BMP7: variants seen among roughly 807,000 people sequenced by gnomAD.
BMP7 encodes bone morphogenetic protein 7.
A neutral mutation model predicts 41.2 loss-of-function variants in BMP7; 12 were observed. The ratio of observed to expected loss-of-function variants is 0.29; its 90% confidence interval spans 0.19 to 0.47. The LOEUF (loss-of-function observed/expected upper bound fraction) is 0.47, where lower values mean the gene tolerates loss of function less well. Among genes scored for constraint, BMP7 ranks in the 20% least tolerant of loss-of-function variants. The probability of loss-of-function intolerance (pLI) is 0.99; values close to 1 mark genes in which losing one functional copy is unlikely to be tolerated. For missense variants in BMP7, 467 were observed against 606.0 expected, an observed-to-expected ratio of 0.77 and a Z score of 2.41; for synonymous variants, 248 against 250.0, an observed-to-expected ratio of 0.99 and a Z score of 0.07.
At chr20:57,193,757 A>G (rs901715562) in intron 3 of BMP7, among the ~76,000 whole-genome samples, 4 of 152,210 alleles carry the variant, frequency 2.6e-5, no homozygotes, top group Non-Finnish European at 4.4e-5. Flanking sequence ...TTACCTTGGC[A>G]TTTTCTGATG....
intron 3 of BMP7, among the ~76,000 whole-genome samples, chr20:57,191,744 T>TAA (rs34934536): frequency 1.4e-5 from 2 of 142,736 alleles, no homozygotes; most frequent in African/African-American, 2.6e-5. Context: ...CATATATATA[T>TAA]AATATATACT....
intron 4 of BMP7, among the ~76,000 whole-genome samples, chr20:57,177,545 A>G (rs907620158): frequency 6.6e-6 from 1 of 152,128 alleles, no homozygotes; most frequent in African/African-American, 2.4e-5. Context: ...ACGGGGTTTC[A>G]CCATGTTGGC....
At chr20:57,196,581 C>T (rs943961535) in intron 3 of BMP7, among the ~76,000 whole-genome samples, 3 of 152,222 alleles carry the variant, frequency 2.0e-5, no homozygotes, top group African/African-American at 7.2e-5. Context: ...GTTCTAACAA[C>T]CAGATGCGGG....
intron 1 of BMP7, among the ~76,000 whole-genome samples, chr20:57,244,590 C>T (rs1223697793): frequency 4.6e-5 from 7 of 152,220 alleles, no homozygotes; most frequent in East Asian, 1.9e-4. Flanking sequence ...ACAAGTTAAC[C>T]CACCTCTGGA....
Position 57,170,641 on chromosome 20 carries a change from C to A in BMP7, c.*318G>T. On this transcript the variant is annotated 3_prime_UTR_variant, in exon 7 of 7. Coordinates refer to ENST00000395863, the MANE Select transcript of BMP7 (RefSeq NM_001719.3). Reference sequence around the variant, plus strand: ...CTGGCTGGTAGGCGCTCATAATTACCTCTGGAAACGAGTCCGTGCATGGCT... The same window carrying A: ...CTGGCTGGTAGGCGCTCATAATTACATCTGGAAACGAGTCCGTGCATGGCT... 2.7e-6 allele frequency: 1 copy of A among 368,874 alleles called. No homozygotes were observed. Among genetic ancestry groups the A allele is most frequent in the Non-Finnish European group, 5.2e-6 (1 of 191,146 alleles). The allele number at this position is 368,874 out of a possible 1,614,324, so 22.9% of individuals were successfully genotyped here.
chr20:57,212,461 G>C (rs1469952586), intron 2 of BMP7, among the ~76,000 whole-genome samples: 3 of 152,204 alleles, frequency 2.0e-5, no homozygotes, highest in Admixed American at 6.5e-5. Flanking sequence ...CGCAGACCCA[G>C]CTGACTCGCT....
Position 57,214,180 on chromosome 20 carries a change from G to A in BMP7, c.612-11557C>T, listed in dbSNP as rs1336705398. On this transcript the variant is annotated intron_variant, in intron 2 of 6. Coordinates refer to ENST00000395863, the MANE Select transcript of BMP7 (RefSeq NM_001719.3). The surrounding 1 kb of genome is among the most constrained non-coding windows in gnomAD (Gnocchi z 4.0). ...GCTCAGAGATATGCAGGTAGTGAAT[G>A]GAACCACCCCAGAGCCTTGTTCCAG... is the stretch of plus-strand genomic sequence containing the variant. 1.3e-5 allele frequency among the ~76,000 whole-genome samples: 2 copies of A among 152,134 alleles called. No homozygotes were observed. The highest frequency in any genetic ancestry group is 2.4e-5 in the African/African-American group (1 of 41,416).
At chr20:57,180,974 G>A (rs542964165) in intron 4 of BMP7, among the ~76,000 whole-genome samples, 2 of 152,342 alleles carry the variant, frequency 1.3e-5, no homozygotes, top group Admixed American at 1.3e-4. Context: ...GGGTGGGGCT[G>A]CTGCTATCCC....
intron 2 of BMP7, among the ~76,000 whole-genome samples, chr20:57,217,171 C>T (rs531268964): frequency 6.6e-6 from 1 of 152,204 alleles, no homozygotes; most frequent in Non-Finnish European, 1.5e-5. Flanking sequence ...AAACCTGACT[C>T]CCAAACCACC....
chr20:57,186,630 G>A (rs1984217308), intron 3 of BMP7, among the ~76,000 whole-genome samples: 1 of 152,132 alleles, frequency 6.6e-6, no homozygotes, highest in Non-Finnish European at 1.5e-5. Flanking sequence ...GGGAGGCTGA[G>A]CCTCTGCAGA....
At chr20:57,177,453 T>C (rs757838367) in intron 4 of BMP7, among the ~76,000 whole-genome samples, 2 of 152,064 alleles carry the variant, frequency 1.3e-5, no homozygotes, top group Non-Finnish European at 2.9e-5. Flanking sequence ...GTTCAAGCAA[T>C]TCTCCTGCCT....
At chr20:57,251,406 G>A (rs764630695) in intron 1 of BMP7, among the ~76,000 whole-genome samples, 1 of 152,174 alleles carries the variant, frequency 6.6e-6, no homozygotes, top group Non-Finnish European at 1.5e-5. Context: ...AAAAACACAG[G>A]AGAACAGGGT....
At chr20:57,241,150 G>A (rs184499253) in intron 1 of BMP7, among the ~76,000 whole-genome samples, 47 of 152,184 alleles carry the variant, frequency 3.1e-4, no homozygotes, top group African/African-American at 1.1e-3. Context: ...TTAAAGGCCC[G>A]TACTCTTCCC....
rs983305363 is a variant in BMP7 at position 57,169,704 on chromosome 20, T to C, written c.*1255A>G. 26 of 151,922 alleles carry C rather than the reference T, an allele frequency of 1.7e-4. No individual in the cohort carries two copies. Among genetic ancestry groups the C allele is most frequent in the African/African-American group, 6.0e-4 (25 of 41,354 alleles). 9.4% of individuals were successfully genotyped at this position (151,922 alleles called of 1,614,324 possible). The stretch of plus-strand genomic sequence containing the variant: ...AAGACCAGAGGGTCCACTGGGGCGA[T>C]GTGCAGTGCTCCTGCTCACCCCACT... On this transcript the variant is annotated 3_prime_UTR_variant, in exon 7 of 7. Coordinates refer to ENST00000395863, the MANE Select transcript of BMP7 (RefSeq NM_001719.3).
At chr20:57,208,575 T>C (rs1303282798) in intron 2 of BMP7, among the ~76,000 whole-genome samples, 2 of 152,196 alleles carry the variant, frequency 1.3e-5, no homozygotes, top group African/African-American at 4.8e-5. Context: ...TGTGACCCAG[T>C]AATTCAGCTA....
Position 57,176,856 on chromosome 20 carries a change from CAA to C in BMP7, c.959-1851_959-1850del, listed in dbSNP as rs1427723542. ...CACTACATGCCATTAGGGTATATGT[CAA>C]AGAGTGGAACACCACTCAATTTTTG... On this transcript the variant is annotated intron_variant, in intron 4 of 6. Coordinates refer to ENST00000395863, the MANE Select transcript of BMP7 (RefSeq NM_001719.3). 3.3e-5 allele frequency among the ~76,000 whole-genome samples: 5 copies of C among 151,722 alleles called. No individual in the cohort carries two copies. In the East Asian group the frequency reaches 9.7e-4, roughly 29 times the overall value.
intron 1 of BMP7, among the ~76,000 whole-genome samples, chr20:57,247,628 T>C (rs534611096): frequency 1.6e-4 from 24 of 152,142 alleles, no homozygotes; most frequent in Non-Finnish European, 3.4e-4. Context: ...TAGAAAACAT[T>C]TGATCAGGCT....
intron 2 of BMP7, among the ~76,000 whole-genome samples, chr20:57,221,413 T>C (rs1054589267): frequency 6.6e-6 from 1 of 152,034 alleles, no homozygotes; most frequent in African/African-American, 2.4e-5. Flanking sequence ...AAGAAAAAAG[T>C]GTATCCACCA....
chr20:57,248,583 G>C (rs1286382903), intron 1 of BMP7, among the ~76,000 whole-genome samples: 1 of 152,170 alleles, frequency 6.6e-6, no homozygotes, highest in East Asian at 1.9e-4. Context: ...TAAGCATGAG[G>C]TAAGAGACAT....
Sources: allele counts gnomAD v4.1 joint callset (sites outside exome capture counted in the v4.1 genomes callset), GRCh38; gene constraint gnomAD v4.1.1; non-coding constraint Gnocchi (gnomAD v3.1); transcripts MANE v1.5; gene names NCBI Gene and HGNC (gene_info 2026-07-23, HGNC 2026-07-21).